The following KDM1B variants were observed in gnomAD, a reference collection of about 807,000 sequenced individuals.
The protein encoded by KDM1B is lysine-specific histone demethylase 2.
Under a neutral mutation model 107.4 loss-of-function variants are expected in KDM1B, and 63 were observed. The ratio of observed to expected loss-of-function variants is 0.59; its 90% confidence interval spans 0.48 to 0.72. The LOEUF is 0.72. Among genes scored for constraint, KDM1B ranks in the 30% least tolerant of loss-of-function variants. The pLI is 0.00. For missense variants in KDM1B, 749 were observed against 1,020.8 expected (o/e 0.73, Z 3.63); for synonymous variants, 363 against 363.9 (o/e 1.00, Z 0.03).
rs145145862 is a variant in KDM1B, at chr6:18,205,979, T to A, written c.1659+315T>A. On this transcript the variant is annotated intron_variant, in intron 15 of 21. Transcript: ENST00000650836. The surrounding 1 kb of genome is among the most constrained non-coding windows in gnomAD (Gnocchi z 5.7). Reference sequence around the variant, plus strand: ...TGCACTCCAGCCTGGAGTCTCAAAATAAATAAATAAATAAAATACTTGTTT... The same window carrying A: ...TGCACTCCAGCCTGGAGTCTCAAAAAAAATAAATAAATAAAATACTTGTTT... Among the ~76,000 whole-genome samples the A allele has an allele frequency of 4.0e-3, 600 of 151,746 alleles. 4 individuals carry two copies. Among genetic ancestry groups the A allele is most frequent in the African/African-American group, 0.014 (563 of 41,384 alleles).
intron 21 of KDM1B, among the ~76,000 whole-genome samples, chr6:18,219,435 T>C (rs1191059274): frequency 6.6e-6 from 1 of 152,198 alleles, no homozygotes; most frequent in Non-Finnish European, 1.5e-5. Context: ...CTATTATTCA[T>C]CTCTTATGCT....
Position 18,221,939 on chromosome 6 carries a change from A to C in KDM1B, c.2416A>C (p.Thr806Pro). Reference protein sequence around the residue: ...ATNRHFPQTVTGAYLSGVREA... With the variant: ...ATNRHFPQTVPGAYLSGVREA... ...AAACAGGCATTTCCCACAAACTGTT[A>C]CAGGGGCATATTTGAGTGGCGTTCG... is the stretch of plus-strand genomic sequence containing the variant. Residue 806 changes from threonine to proline, a missense_variant, in exon 22 of 22, where the codon ACA becomes CCA. Transcript: ENST00000650836. The C allele has an allele frequency of 6.2e-7, 1 of 1,612,938 alleles. No individual in the cohort carries two copies. Among genetic ancestry groups the C allele is most frequent in the Non-Finnish European group, 8.5e-7 (1 of 1,179,230 alleles).
rs1197029807 is a variant in KDM1B, at chr6:18,162,904, C to A, written c.285C>A (p.Cys95Ter). The change falls in exon 5 of 22, where the codon TGC (cysteine) becomes TGA (stop). Residue 95 changes from cysteine to a stop codon, truncating the protein, a stop_gained. Coordinates refer to ENST00000650836, the MANE Select transcript of KDM1B (RefSeq NM_001364614.2). LOFTEE classifies it high-confidence loss of function. The surrounding 1 kb of genome is among the most constrained non-coding windows in gnomAD (Gnocchi z 4.1). Reference sequence around the variant, plus strand: ...GTGGGGAACATTTCTGTAATGAATGCTTTGACCATTACTACAGAAGGTATG... The same window carrying A: ...GTGGGGAACATTTCTGTAATGAATGATTTGACCATTACTACAGAAGGTATG... ...LSCGEHFCNE[C>*]FDHYYRSHKD... 1 of 1,608,276 alleles carries A rather than the reference C, an allele frequency of 6.2e-7. No individual in the cohort carries two copies.
At chr6:18,167,577 G>A (rs919845426) in intron 6 of KDM1B, among the ~76,000 whole-genome samples, 7 of 151,672 alleles carry the variant, frequency 4.6e-5, no homozygotes, top group Non-Finnish European at 2.9e-5. Context: ...GGGCTCAAGC[G>A]ATTCTCCCAC....
rs58897300 is a variant in KDM1B, at chr6:18,184,736, C to CTTTTTTTTTTTT, written c.535-1023_535-1012dup. On this transcript the variant is annotated intron_variant, in intron 7 of 21. Coordinates refer to ENST00000650836, the MANE Select transcript of KDM1B (RefSeq NM_001364614.2). The stretch of plus-strand genomic sequence containing the variant: ...CTTTGGGTTGTTTCTAGCTTTTTTC[C>CTTTTTTTTTTTT]TTTTTTTTTTTTTTTTTTTTTTTTA... Among the ~76,000 whole-genome samples, 16 of 65,468 alleles carry CTTTTTTTTTTTT rather than the reference C, an allele frequency of 2.4e-4. 2 individuals carry two copies. The highest frequency in any genetic ancestry group is 1.1e-3 in the East Asian group (2 of 1,782). The allele number at this position is 65,468 out of a possible 152,430, so 42.9% of individuals were successfully genotyped here. A position where few individuals can be genotyped will look rare whatever the true frequency, so the allele number is the denominator to read the frequency against.
At chr6:18,207,563 C>T in intron 16 of KDM1B, 34 bp downstream of exon 16, 1 of 1,612,184 alleles carries the variant, frequency 6.2e-7, no homozygotes, top group East Asian at 2.2e-5. Flanking sequence ...TCTGGCTCGC[C>T]TTGTTTGGGG....
intron 7 of KDM1B, among the ~76,000 whole-genome samples, chr6:18,184,731 T>C (rs1160348059): frequency 7.8e-6 from 1 of 128,680 alleles, no homozygotes; most frequent in African/African-American, 2.8e-5. Context: ...TTTCTAGCTT[T>C]TTTCCTTTTT....
rs1286416300 is a variant in KDM1B at position 18,223,329 on chromosome 6, C to T, written c.*1337C>T. ...GAACCTCAGGCATTTAAGACACCTC[C>T]CCCACCGCCCGCCCCCCGCCCCCCC... On this transcript the variant is annotated 3_prime_UTR_variant, in exon 22 of 22. Transcript: ENST00000650836. 7.0e-6 allele frequency: 1 copy of T among 142,998 alleles called. No homozygotes were observed. Among genetic ancestry groups the T allele is most frequent in the African/African-American group, 2.7e-5 (1 of 37,606 alleles). 8.9% of individuals were successfully genotyped at this position (142,998 alleles called of 1,614,324 possible).
intron 17 of KDM1B, among the ~76,000 whole-genome samples, chr6:18,210,966 C>T (rs1209967577): frequency 1.3e-5 from 2 of 152,106 alleles, no homozygotes; most frequent in African/African-American, 2.4e-5. Context: ...TGCCACTGCA[C>T]TCCAGCCGGG....
intron 3 of KDM1B, 41 bp from the exon 4 acceptor site, chr6:18,161,286 C>A: frequency 1.2e-6 from 2 of 1,603,958 alleles, no homozygotes; most frequent in Non-Finnish European, 1.7e-6. Flanking sequence ...GTCATTTTGC[C>A]ATCATCAGTG....
chr6:18,162,722 A>C lies in KDM1B; in HGVS notation c.216-113A>C. 4.6e-6 allele frequency: 3 copies of C among 656,036 alleles called. No homozygotes were observed. The highest frequency in any genetic ancestry group is 8.4e-6 in the Non-Finnish European group (3 of 358,510). The allele number at this position is 656,036 out of a possible 1,614,324, so 40.6% of individuals were successfully genotyped here. A position where few individuals can be genotyped will look rare whatever the true frequency, so the allele number is the denominator to read the frequency against. On this transcript the variant is annotated intron_variant, in intron 4 of 21. Coordinates refer to ENST00000650836, the MANE Select transcript of KDM1B (RefSeq NM_001364614.2). This position sits in a 1 kb window ranked among gnomAD's most constrained non-coding sequence, Gnocchi z 4.1. ...TGTTTCCCCTGTCCTTAAGGGGCTA[A>C]GTGGAGATAATGCAAAATGGGTTCA...
chr6:18,215,717 T>C (rs887153320), intron 20 of KDM1B, among the ~76,000 whole-genome samples: 5 of 152,042 alleles, frequency 3.3e-5, no homozygotes, highest in Non-Finnish European at 7.4e-5. Context: ...TTCCTTTTTT[T>C]CTTCTCACAT....
Position 18,161,924 on chromosome 6 carries a change from A to G in KDM1B, c.215+470A>G, listed in dbSNP as rs570962497. Reference sequence around the variant, plus strand: ...TGCCATTTTTATTGTGGGGTGACACAAGTATGATCTTCTTTTTTTTTTTCT... The same window carrying G: ...TGCCATTTTTATTGTGGGGTGACACGAGTATGATCTTCTTTTTTTTTTTCT... On this transcript the variant is annotated intron_variant, in intron 4 of 21. Transcript: ENST00000650836. Among the ~76,000 whole-genome samples the G allele has an allele frequency of 1.2e-4, 18 of 151,582 alleles. No homozygotes were observed. In the South Asian group the frequency reaches 3.7e-3, roughly 31 times the overall value.
intron 20 of KDM1B, among the ~76,000 whole-genome samples, chr6:18,216,267 G>A (rs1181090601): frequency 6.6e-6 from 1 of 152,060 alleles, no homozygotes; most frequent in Non-Finnish European, 1.5e-5. Context: ...TTTTGGTAGA[G>A]ACAGGGTTTC....
At chr6:18,179,197 T>A (rs1786264669) in intron 7 of KDM1B, among the ~76,000 whole-genome samples, 1 of 152,242 alleles carries the variant, frequency 6.6e-6, no homozygotes, top group Non-Finnish European at 1.5e-5. Context: ...ATGTAATGAA[T>A]TATACCAATT....
chr6:18,175,923 T>C (rs559676865), intron 7 of KDM1B, among the ~76,000 whole-genome samples: 19 of 152,328 alleles, frequency 1.2e-4, no homozygotes, highest in African/African-American at 4.6e-4. Flanking sequence ...ATTTATTCTT[T>C]TGCTTTGTCT....
intron 7 of KDM1B, among the ~76,000 whole-genome samples, chr6:18,174,096 C>A (rs769203916): frequency 2.6e-5 from 4 of 152,038 alleles, no homozygotes; most frequent in Non-Finnish European, 5.9e-5. Context: ...ATCTTAGCAC[C>A]ATTATAAAAA....
At chr6:18,215,592 G>GA (rs1554151488) in intron 20 of KDM1B, among the ~76,000 whole-genome samples, 1 of 152,140 alleles carries the variant, frequency 6.6e-6, no homozygotes. Flanking sequence ...ACCATGCGAC[G>GA]AAATACAGTC....
In KDM1B at chr6:18,207,467, C is replaced by T. The variant is rs1309660228; in HGVS notation, c.1729C>T (p.Pro577Ser). 24 of 1,614,076 alleles carry T rather than the reference C, an allele frequency of 1.5e-5. No individual in the cohort carries two copies. The highest frequency in any genetic ancestry group is 1.7e-5 in the Non-Finnish European group (20 of 1,180,016). ...QFAGDHTLLT[P>S]GYSVIIEKLA... ...TGCTGGTGACCACACTCTGCTAACT[C>T]CCGGGTACTCGGTGATAATTGAAAA... Residue 577 changes from proline to serine, a missense_variant, in exon 16 of 22, where the codon CCC becomes TCC. Transcript: ENST00000650836.
Sources: allele counts gnomAD v4.1 joint callset (sites outside exome capture counted in the v4.1 genomes callset), GRCh38; gene constraint gnomAD v4.1.1; non-coding constraint Gnocchi (gnomAD v3.1); transcripts MANE v1.5; gene names NCBI Gene and HGNC (gene_info 2026-07-23, HGNC 2026-07-21).